The following ZBTB37 variants were observed in gnomAD, a reference collection of about 807,000 sequenced individuals.
ZBTB37 encodes the protein zinc finger and BTB domain-containing protein 37.
In ZBTB37, 15 loss-of-function variants were observed where a neutral mutation model predicts 37.7. The observed-to-expected ratio is 0.40, with a 90% CI of 0.27 to 0.61. ZBTB37 has a LOEUF of 0.61. Ranked by LOEUF, ZBTB37 falls within the 20% of genes least tolerant of loss-of-function variation. ZBTB37 has a pLI of 0.44. For missense variants in ZBTB37, 514 were observed against 641.9 expected, an observed-to-expected ratio of 0.80 and a Z score of 2.15; for synonymous variants, 231 against 220.6, an observed-to-expected ratio of 1.05 and a Z score of -0.42.
At chr1:173,884,082 G>A (rs1656484871) in intron 4 of ZBTB37, among the ~76,000 whole-genome samples, 1 of 151,252 alleles carries the variant, frequency 6.6e-6, no homozygotes, top group Non-Finnish European at 1.5e-5. Flanking sequence ...ATTAACTCAG[G>A]TTAAAAAAAT....
chr1:173,885,812 A>G, exon 5 of ZBTB37: 1 of 1,551,762 alleles, frequency 6.4e-7, no homozygotes, highest in Non-Finnish European at 8.7e-7. Context: ...GGATCACACC[A>G]TTCGTCTGCC....
intron 3 of ZBTB37, 133 bp downstream of exon 3, chr1:173,871,281 G>A: frequency 2.3e-6 from 2 of 867,764 alleles, no homozygotes; most frequent in Non-Finnish European, 3.4e-6. Context: ...TGGGGAAACT[G>A]GAGGTGTGCC....
At chr1:173,900,962 T>G (rs1004716102) in exon 4 of ZBTB37, 7 of 152,300 alleles carry the variant, frequency 4.6e-5, no homozygotes, top group African/African-American at 1.7e-4. Context: ...GATTTTAAGA[T>G]TTTATGGGGA....
At chr1:173,896,394 A>G (rs553352452) in exon 4 of ZBTB37, 3 of 152,310 alleles carry the variant, frequency 2.0e-5, no homozygotes, top group African/African-American at 7.2e-5. Context: ...ATATTGTCCC[A>G]GGGAATGAAA....
chr1:173,881,772 C>A (rs575863033), intron 4 of ZBTB37, among the ~76,000 whole-genome samples: 2 of 152,086 alleles, frequency 1.3e-5, no homozygotes, highest in East Asian at 3.9e-4. Flanking sequence ...AGTGTCTGTT[C>A]GGCCGGGCGT....
At chr1:173,879,102 A>G (rs1404391406) in intron 4 of ZBTB37, among the ~76,000 whole-genome samples, 1 of 151,932 alleles carries the variant, frequency 6.6e-6, no homozygotes, top group Non-Finnish European at 1.5e-5. Context: ...AAAAAAAAAA[A>G]AAAAAAATCA....
At chr1:173,892,292 G>T (rs1006930468) in exon 4 of ZBTB37, 5 of 152,164 alleles carry the variant, frequency 3.3e-5, no homozygotes, top group Non-Finnish European at 7.3e-5. Flanking sequence ...TCTATTGAAA[G>T]CAATGGAGTT....
chr1:173,872,264 G>A (rs1315586042), intron 3 of ZBTB37, among the ~76,000 whole-genome samples: 1 of 152,024 alleles, frequency 6.6e-6, no homozygotes, highest in Non-Finnish European at 1.5e-5. Flanking sequence ...TAGTAGAGAT[G>A]GGGTTTTACC....
intron 4 of ZBTB37, among the ~76,000 whole-genome samples, chr1:173,877,732 G>A (rs534345413): frequency 6.6e-6 from 1 of 152,184 alleles, no homozygotes; most frequent in East Asian, 1.9e-4. Flanking sequence ...CTCAAGGATA[G>A]GGTAATATAT....
intron 2 of ZBTB37, 51 bp from the exon 3 acceptor site, chr1:173,870,149 G>A (rs1036372293): frequency 2.2e-5 from 28 of 1,259,410 alleles, no homozygotes; most frequent in African/African-American, 6.1e-5. Flanking sequence ...GAAACCATCC[G>A]GGAAGTAAAA....
At chr1:173,871,006 T>C (rs1572047764) in exon 3 of ZBTB37, 1 of 1,614,212 alleles carries the variant, frequency 6.2e-7, no homozygotes, top group Non-Finnish European at 8.5e-7. Context: ...GAATCAGCCT[T>C]CTGGAGAAGA....
At chr1:173,896,289 A>T (rs1198654641) in exon 4 of ZBTB37, 1 of 152,240 alleles carries the variant, frequency 6.6e-6, no homozygotes, top group East Asian at 1.9e-4. Context: ...ATAAAAATTT[A>T]AAGGCCTTAA....
Position 173,870,496 on chromosome 1 carries a change from C to T in ZBTB37, c.271C>T (p.Arg91Trp), listed in dbSNP as rs1557881150. The change falls in exon 3 of 5, where the codon CGG becomes TGG. Residue 91 changes from arginine (R) to tryptophan (W), a missense_variant. Arg to Trp is a moderately radical substitution (Grantham distance 101). Coordinates refer to ENST00000427304, the Ensembl canonical transcript of ZBTB37. ...GCTCCTTTCTTTCTGTTACACAGGGCGGATATGCCTGCAACTGGCAGATAT... is the reference window on the plus strand; with the variant it reads ...GCTCCTTTCTTTCTGTTACACAGGGTGGATATGCCTGCAACTGGCAGATAT... 1.9e-6 allele frequency: 3 copies of T among 1,614,190 alleles called. No individual in the cohort carries two copies. The highest frequency in any genetic ancestry group is 2.5e-6 in the Non-Finnish European group (3 of 1,180,038).
chr1:173,873,692 T>G, intron 4 of ZBTB37, 126 bp downstream of exon 4: 1 of 1,385,092 alleles, frequency 7.2e-7, no homozygotes, highest in Non-Finnish European at 9.5e-7. Context: ...AAATACTGTA[T>G]TTTTTTTCCC....
At position 173,870,196 on chromosome 1, in the gene ZBTB37, G is replaced by A. The variant is rs1354754183; in HGVS notation, c.-29-1G>A. ...AATGAGAATATGGTTTCTTTTTTCA[G>A]CAGGGTTGAATGCACCCTCAGGCAC... On this transcript the variant is annotated splice_acceptor_variant, in intron 2 of 4. Transcript: ENST00000427304. LOFTEE classifies it low-confidence loss of function (5UTR_SPLICE). 1 of 1,538,592 alleles carries A rather than the reference G, an allele frequency of 6.5e-7. No homozygotes were observed. Among genetic ancestry groups the A allele is most frequent in the Admixed American group, 2.2e-5 (1 of 46,128 alleles).
intron 4 of ZBTB37, among the ~76,000 whole-genome samples, chr1:173,876,695 T>G (rs1311675233): frequency 6.6e-6 from 1 of 152,222 alleles, no homozygotes; most frequent in East Asian, 1.9e-4. Context: ...TTTTTAGTTT[T>G]GATAAGATGT....
At chr1:173,873,434 G>A in intron 3 of ZBTB37, 33 bp from the exon 4 acceptor site, 1 of 1,567,504 alleles carries the variant, frequency 6.4e-7, no homozygotes, top group Non-Finnish European at 8.7e-7. Context: ...TGCTGCTTTT[G>A]TATTAGTCCC....
chr1:173,893,983 T>C (rs1656948193), exon 4 of ZBTB37: 1 of 152,236 alleles, frequency 6.6e-6, no homozygotes, highest in Non-Finnish European at 1.5e-5. Flanking sequence ...CATTTACTTA[T>C]CAAGAGTTGA....
At position 173,871,167 on chromosome 1, in the gene ZBTB37, G is replaced by A; in HGVS notation, c.923+19G>A. The A allele has an allele frequency of 6.4e-7, 1 of 1,563,562 alleles. No homozygotes were observed. Among genetic ancestry groups the A allele is most frequent in the South Asian group, 1.2e-5 (1 of 85,728 alleles). On this transcript the variant is annotated intron_variant, in intron 3 of 4. Coordinates refer to ENST00000427304, the Ensembl canonical transcript of ZBTB37. ...TTGACAGGTAGGTTTGGTTTGGTTT[G>A]GTTTTCCCATGTAATGGCTATTGTG...
Sources: gnomAD v4.1 joint callset for allele counts (sites outside exome capture counted in the v4.1 genomes callset) on GRCh38, gnomAD v4.1.1 for gene constraint, MANE v1.5 for transcripts, NCBI Gene and HGNC (gene_info 2026-07-23, HGNC 2026-07-21) for gene names.